The following GGTLC1 variants were observed in gnomAD, a reference collection of about 807,000 sequenced individuals.
GGTLC1 encodes the protein gamma-glutamyltransferase light chain 1, also known as glutathione hydrolase light chain 1.
GGTLC1 carries 14 observed loss-of-function variants against 19.5 expected under a neutral mutation model. That is an observed-to-expected ratio of 0.72 (90% CI 0.47 to 1.12). The LOEUF is 1.12. Among genes scored for constraint, GGTLC1 ranks in the 50% most tolerant of loss-of-function variants. The pLI, the probability that GGTLC1 is intolerant of heterozygous loss-of-function variation, is 0.00. For missense variants in GGTLC1, 304 were observed against 309.2 expected (o/e 0.98, Z 0.13); for synonymous variants, 110 against 124.2 (o/e 0.89, Z 0.76).
chr20:23,985,265 C>T lies in GGTLC1; in HGVS notation c.629G>A (p.Trp210Ter), dbSNP rs1201873682. ...VQAIVRMAGG[W>*]AAASDSRKGG... ...TTTCCTGGAGTCCGAGGCAGCTGCC[C>T]AGCCACCAGCCATGCGGACGATGGC... Residue 210 changes from tryptophan to a stop codon, truncating the protein, a stop_gained, in exon 6 of 6, where the codon TGG becomes TAG. Transcript: ENST00000335694. LOFTEE classifies it high-confidence loss of function. The T allele has an allele frequency of 6.2e-7, 1 of 1,612,056 alleles. No homozygotes were observed. The highest frequency in any genetic ancestry group is 1.1e-5 in the South Asian group (1 of 90,986).
rs1173386567 is a variant in GGTLC1 at position 23,986,607 on chromosome 20, G to C, written c.5C>G (p.Thr2Ser). The change falls in exon 2 of 6, where the codon ACC (threonine) becomes AGC (serine). Residue 2 changes from threonine to serine, a missense_variant. Transcript: ENST00000335694. The stretch of plus-strand genomic sequence containing the variant: ...GAGCTGGGCAGAGAAGAACTCGGAG[G>C]TCATGTCGCGGACCACCTGCCGAGA... Reference protein sequence around the residue: MTSEFFSAQLRA... With the variant: MSSEFFSAQLRA... The C allele has an allele frequency of 4.1e-6, 6 of 1,467,034 alleles. No individual in the cohort carries two copies. Among genetic ancestry groups the C allele is most frequent in the Non-Finnish European group, 1.8e-6 (2 of 1,086,114 alleles). The allele number at this position is 1,467,034 out of a possible 1,614,324, so 90.9% of individuals were successfully genotyped here.
At position 23,986,179 on chromosome 20, in the gene GGTLC1, T is replaced by G; in HGVS notation, c.201A>C (p.Pro67=). 1 of 1,612,738 alleles carries G rather than the reference T, an allele frequency of 6.2e-7. No homozygotes were observed. Among genetic ancestry groups the G allele is most frequent in the Non-Finnish European group, 8.5e-7 (1 of 1,179,314 alleles). ...NLYFGSKVRS[P]VSGILLNNEM... is the part of the protein sequence containing the mutation. ...CATTATTGAGCAGGATCCCGCTGAC[T>G]GGGGAGCGCACCTTGGAGCCAAAGC... Residue 67 remains proline (P), a synonymous_variant, in exon 3 of 6, where the codon CCA becomes CCC. Coordinates refer to ENST00000335694, the MANE Select transcript of GGTLC1 (RefSeq NM_178311.3).
At chr20:23,986,229 G>A in intron 2 of GGTLC1, 26 bp from the exon 3 acceptor site, 1 of 1,597,862 alleles carries the variant, frequency 6.3e-7, no homozygotes, top group Non-Finnish European at 8.5e-7. Flanking sequence ...GTCAGACAGT[G>A]CCCGACCTTG....
rs199795480 is a variant in GGTLC1 at position 23,986,418 on chromosome 20, C to T, written c.176+18G>A. Reference sequence around the variant, plus strand: ...CTCCCCTGGCCCTTTCCCACCCAGGCGGCCCAGCAGCCCCTACTAGAGGTT... The same window carrying T: ...CTCCCCTGGCCCTTTCCCACCCAGGTGGCCCAGCAGCCCCTACTAGAGGTT... On this transcript the variant is annotated intron_variant, in intron 2 of 5. Transcript: ENST00000335694. The T allele has an allele frequency of 7.9e-3, 12,750 of 1,610,378 alleles. 79 individuals are homozygous for T. Among genetic ancestry groups the T allele is most frequent in the Non-Finnish European group, 9.4e-3 (11,092 of 1,179,200 alleles).
At position 23,988,714 on chromosome 20, in the gene GGTLC1, G is replaced by T; in HGVS notation, c.-140C>A. ...AAAGGCGCGTTGCCCGGCAGCAGAA[G>T]AAACTGCTGGCTTCGCCTTTGGCCG... On this transcript the variant is annotated 5_prime_UTR_variant, in exon 1 of 6. Coordinates refer to ENST00000335694, the MANE Select transcript of GGTLC1 (RefSeq NM_178311.3). 1 of 251,122 alleles carries T rather than the reference G, an allele frequency of 4.0e-6. No individual in the cohort carries two copies. The highest frequency in any genetic ancestry group is 7.3e-6 in the Non-Finnish European group (1 of 137,916). 15.6% of individuals were successfully genotyped at this position (251,122 alleles called of 1,614,324 possible).
At position 23,986,210 on chromosome 20, in the gene GGTLC1, C is replaced by T. The variant is rs780117483; in HGVS notation, c.177-7G>A. On this transcript the variant is annotated splice_polypyrimidine_tract_variant and splice_region_variant and intron_variant, in intron 2 of 5. Coordinates refer to ENST00000335694, the MANE Select transcript of GGTLC1 (RefSeq NM_178311.3). ...GCGCACCTTGGAGCCAAAGCTATCG[C>T]CCAGCCAGGTCAGACAGTGCCCGAC... 25 of 1,605,594 alleles carry T rather than the reference C, an allele frequency of 1.6e-5. No individual in the cohort carries two copies. The South Asian group carries it at 2.8e-4, about 18-fold the overall frequency.
Position 23,985,461 on chromosome 20 carries a change from A to G in GGTLC1, c.532-99T>C. ...GCCTCAGCCCAGGTGGTGCCATTTC[A>G]GGCCAGGTCATCAGGAAGAGCAGGT... On this transcript the variant is annotated intron_variant, in intron 5 of 5. Coordinates refer to ENST00000335694, the MANE Select transcript of GGTLC1 (RefSeq NM_178311.3). 1.9e-6 allele frequency: 3 copies of G among 1,607,196 alleles called. No individual in the cohort carries two copies. In the South Asian group the frequency reaches 3.3e-5, roughly 18 times the overall value.
In GGTLC1 at chr20:23,986,578, C is replaced by T; in HGVS notation, c.34G>A (p.Ala12Thr). 1 of 1,611,688 alleles carries T rather than the reference C, an allele frequency of 6.2e-7. No individual in the cohort carries two copies. The highest frequency in any genetic ancestry group is 1.1e-5 in the South Asian group (1 of 90,962). The change falls in exon 2 of 6, where the codon GCC (alanine) becomes ACC (threonine). Residue 12 changes from alanine (A) to threonine (T), a missense_variant. Physicochemically the swap from Ala to Thr is moderately conservative, Grantham distance 58 (BLOSUM62 0). Transcript: ENST00000335694. The part of the protein sequence containing the change: ...TSEFFSAQLR[A>T]QISDDTTHPI... ...TGAGTGGTGTCGTCAGAGATCTGGG[C>T]CCGGAGCTGGGCAGAGAAGAACTCG... is the stretch of plus-strand genomic sequence containing the variant.
chr20:23,987,851 C>T (rs1042676405), intron 1 of GGTLC1, among the ~76,000 whole-genome samples: 12 of 149,596 alleles, frequency 8.0e-5, no homozygotes, highest in Non-Finnish European at 1.8e-4. Flanking sequence ...AGATCGAGAC[C>T]ATCCTGGCTA....
In GGTLC1 at chr20:23,985,282, G is replaced by A. The variant is rs1175408985; in HGVS notation, c.612C>T (p.Val204=). ...CAGCTGCCCAGCCACCAGCCATGCG[G>A]ACGATGGCTTGCACCACAGCAATGA... ...STFIAVVQAI[V]RMAGGWAAAS... The change falls in exon 6 of 6, where the codon GTC becomes GTT. Residue 204 remains valine, a synonymous_variant. Coordinates refer to ENST00000335694, the MANE Select transcript of GGTLC1 (RefSeq NM_178311.3). 1 of 1,612,068 alleles carries A rather than the reference G, an allele frequency of 6.2e-7. No homozygotes were observed. Among genetic ancestry groups the A allele is most frequent in the East Asian group, 2.2e-5 (1 of 44,876 alleles).
Position 23,986,588 on chromosome 20 carries a change from G to A in GGTLC1, c.24C>T (p.Ala8=), listed in dbSNP as rs759614807. 5 of 1,611,538 alleles carry A rather than the reference G, an allele frequency of 3.1e-6. No individual in the cohort carries two copies. Among genetic ancestry groups the A allele is most frequent in the Non-Finnish European group, 4.2e-6 (5 of 1,179,718 alleles). The change falls in exon 2 of 6, where the codon GCC becomes GCT. Residue 8 remains alanine, a synonymous_variant. Transcript: ENST00000335694. MTSEFFS[A]QLRAQISDDT... ...CGTCAGAGATCTGGGCCCGGAGCTG[G>A]GCAGAGAAGAACTCGGAGGTCATGT...
Position 23,988,206 on chromosome 20 carries a change from G to A in GGTLC1, c.-35+403C>T, listed in dbSNP as rs937038369. Among the ~76,000 whole-genome samples, 3 of 149,264 alleles carry A rather than the reference G, an allele frequency of 2.0e-5. No homozygotes were observed. In the South Asian group the frequency reaches 6.5e-4, roughly 33 times the overall value. On this transcript the variant is annotated intron_variant, in intron 1 of 5. Coordinates refer to ENST00000335694, the MANE Select transcript of GGTLC1 (RefSeq NM_178311.3). ...TGGGACTACAGGCGCATGCCACCAT[G>A]TCTGACTAAATTTGTATTTTTACTA... is the stretch of plus-strand genomic sequence containing the variant.
Position 23,985,771 on chromosome 20 carries a change from A to G in GGTLC1, c.427T>C (p.Tyr143His). 1 of 1,611,998 alleles carries G rather than the reference A, an allele frequency of 6.2e-7. No individual in the cohort carries two copies. Among genetic ancestry groups the G allele is most frequent in the Non-Finnish European group, 8.5e-7 (1 of 1,179,852 alleles). ...ITMATALAII[Y>H]NLWFGYDVKW... ...ACGTCATAGCCGAACCAGAGGTTGT[A>G]GATGATGGCCTGGGGCATGGGAGTG... is the stretch of plus-strand genomic sequence containing the variant. The change falls in exon 5 of 6, where the codon TAC (tyrosine) becomes CAC (histidine). Residue 143 changes from tyrosine to histidine, a missense_variant. Transcript: ENST00000335694.
chr20:23,987,828 T>A (rs1177394766), intron 1 of GGTLC1, among the ~76,000 whole-genome samples: 1 of 149,788 alleles, frequency 6.7e-6, no homozygotes, highest in East Asian at 2.0e-4. Flanking sequence ...GGAGGGCGGA[T>A]CACGACGTCA....
At chr20:23,985,464 C>T in intron 5 of GGTLC1, 102 bp from the exon 6 acceptor site, 1 of 1,606,584 alleles carries the variant, frequency 6.2e-7, no homozygotes, top group Admixed American at 1.7e-5. Flanking sequence ...CCATTTCAGG[C>T]CAGGTCATCA....
chr20:23,987,507 A>G (rs1988001325), intron 1 of GGTLC1, among the ~76,000 whole-genome samples: 2 of 152,042 alleles, frequency 1.3e-5, no homozygotes, highest in African/African-American at 2.4e-5. Context: ...GATTTTGGAT[A>G]CTTCATCAGA....
chr20:23,987,443 G>A (rs992661008), intron 1 of GGTLC1, among the ~76,000 whole-genome samples: 2 of 152,184 alleles, frequency 1.3e-5, no homozygotes, highest in South Asian at 2.1e-4. Flanking sequence ...GGATGGCGCC[G>A]ACTAGCGAGG....
intron 1 of GGTLC1, 160 bp from the exon 2 acceptor site, chr20:23,986,805 C>T: frequency 6.9e-7 from 1 of 1,441,634 alleles, no homozygotes; most frequent in Non-Finnish European, 9.2e-7. Flanking sequence ...CTCCCTGTCT[C>T]TGTCGCATTC....
In GGTLC1 at chr20:23,985,471, A is replaced by C. The variant is rs547659157; in HGVS notation, c.532-109T>G. The C allele has an allele frequency of 5.1e-4, 812 of 1,605,354 alleles. 3 individuals are homozygous for C. In the African/African-American group the frequency reaches 0.01, roughly 20 times the overall value. Reference sequence around the variant, plus strand: ...AGGTGGTGCCATTTCAGGCCAGGTCATCAGGAAGAGCAGGTTGGGGCCTGC... The same window carrying C: ...AGGTGGTGCCATTTCAGGCCAGGTCCTCAGGAAGAGCAGGTTGGGGCCTGC... On this transcript the variant is annotated intron_variant, in intron 5 of 5. Coordinates refer to ENST00000335694, the MANE Select transcript of GGTLC1 (RefSeq NM_178311.3).
Sources: allele counts gnomAD v4.1 joint callset (sites outside exome capture counted in the v4.1 genomes callset), GRCh38; gene constraint gnomAD v4.1.1; transcripts MANE v1.5; gene names NCBI Gene and HGNC (gene_info 2026-07-23, HGNC 2026-07-21).